The following CCDC192 variants were observed in gnomAD, a reference collection of about 807,000 sequenced individuals.
CCDC192 encodes the protein coiled-coil domain-containing protein 192.
chr5:127,741,299 G>A (rs949066708), intron 2 of CCDC192, among the ~76,000 whole-genome samples: 1 of 152,150 alleles, frequency 6.6e-6, no homozygotes, highest in African/African-American at 2.4e-5. Flanking sequence ...CTGGGCTCGA[G>A]AGATCTGTCC....
chr5:127,861,744 T>TA (rs397768809), intron 5 of CCDC192, among the ~76,000 whole-genome samples: 2 of 151,374 alleles, frequency 1.3e-5, no homozygotes, highest in Non-Finnish European at 2.9e-5. Flanking sequence ...CCATATGAGT[T>TA]AATTCATGTG....
intron 5 of CCDC192, among the ~76,000 whole-genome samples, chr5:127,799,916 C>T (rs936443196): frequency 1.3e-5 from 2 of 151,990 alleles, no homozygotes; most frequent in Non-Finnish European, 1.5e-5. Flanking sequence ...ACAGTATTAA[C>T]GATAGTATTT....
At chr5:127,842,775 T>G (rs1051234666) in intron 5 of CCDC192, among the ~76,000 whole-genome samples, 1 of 152,182 alleles carries the variant, frequency 6.6e-6, no homozygotes, top group Admixed American at 6.5e-5. Flanking sequence ...TACTAGAATC[T>G]TAGAACTCAG....
intron 5 of CCDC192, among the ~76,000 whole-genome samples, chr5:127,811,016 A>AGAG (rs1177279844): frequency 6.6e-6 from 1 of 152,124 alleles, no homozygotes; most frequent in African/African-American, 2.4e-5. Context: ...AAGCTTTAAC[A>AGAG]GAGGGTTTAT....
chr5:127,852,050 T>G (rs576461063), intron 5 of CCDC192, among the ~76,000 whole-genome samples: 1 of 152,196 alleles, frequency 6.6e-6, no homozygotes, highest in Non-Finnish European at 1.5e-5. Context: ...GAACACTAGT[T>G]TTATGGTCCC....
intron 3 of CCDC192, among the ~76,000 whole-genome samples, chr5:127,781,633 C>T (rs1309954987): frequency 2.0e-5 from 3 of 148,844 alleles, no homozygotes; most frequent in African/African-American, 5.0e-5. Flanking sequence ...ATTTGATTCT[C>T]CACTTGGTTG....
chr5:127,776,425 T>C (rs780434175), intron 3 of CCDC192, among the ~76,000 whole-genome samples: 8 of 152,166 alleles, frequency 5.3e-5, no homozygotes, highest in Non-Finnish European at 8.8e-5. Context: ...TTGGGTGCTG[T>C]TGTTAAAAGC....
intron 5 of CCDC192, among the ~76,000 whole-genome samples, chr5:127,850,915 G>T (rs773314697): frequency 2.4e-4 from 36 of 152,174 alleles, no homozygotes; most frequent in Non-Finnish European, 3.8e-4. Flanking sequence ...GCGGTGAGCT[G>T]AGGCCACACC....
intron 3 of CCDC192, chr5:127,784,587 A>T (rs1028263680): frequency 1.9e-5 from 10 of 537,248 alleles, no homozygotes; most frequent in Admixed American, 1.2e-4. Flanking sequence ...TTGCTGTGGG[A>T]CACACAGTCA....
intron 6 of CCDC192, among the ~76,000 whole-genome samples, chr5:127,885,296 A>C (rs1490855579): frequency 1.3e-5 from 2 of 152,188 alleles, no homozygotes; most frequent in African/African-American, 4.8e-5. Flanking sequence ...GAATGCTGCT[A>C]AATAGCTCAG....
chr5:127,882,141 A>G (rs998270787), intron 6 of CCDC192, among the ~76,000 whole-genome samples: 5 of 152,202 alleles, frequency 3.3e-5, no homozygotes, highest in African/African-American at 1.2e-4. Flanking sequence ...CCAAGACTCA[A>G]TGTCTGAATC....
intron 6 of CCDC192, among the ~76,000 whole-genome samples, chr5:127,921,281 A>G (rs1753713533): frequency 6.6e-6 from 1 of 152,046 alleles, no homozygotes; most frequent in Non-Finnish European, 1.5e-5. Context: ...AAGGAAGGAA[A>G]GGAAAAAAGA....
chr5:127,738,965 C>T (rs1278186062), intron 2 of CCDC192, among the ~76,000 whole-genome samples: 3 of 151,896 alleles, frequency 2.0e-5, no homozygotes, highest in Non-Finnish European at 4.4e-5. Context: ...TGTTCCGTTG[C>T]TGGTGAGGAA....
chr5:127,719,520 TATATACACACATAC>T (rs1751856573), intron 2 of CCDC192, among the ~76,000 whole-genome samples: 3 of 112,356 alleles, frequency 2.7e-5, no homozygotes, highest in Admixed American at 1.2e-4. Context: ...TATATATATA[TATATACACACATAC>T]ATATATATAT....
rs115306418 is a variant in CCDC192, at chr5:127,878,174, C to T, written c.535+2513C>T. Among the ~76,000 whole-genome samples the T allele has an allele frequency of 4.2e-3, 637 of 152,302 alleles. 3 individuals are homozygous for T. Among genetic ancestry groups the T allele is most frequent in the African/African-American group, 0.014 (598 of 41,572 alleles). On this transcript the variant is annotated intron_variant, in intron 6 of 6. Transcript: ENST00000514853. ...TATGGCCACAAGCAGCTATGGGCTG[C>T]CCTCCTTATCATATAATCTCCAGGG...
At chr5:127,933,164 T>C (rs1340502791) in intron 6 of CCDC192, among the ~76,000 whole-genome samples, 2 of 152,122 alleles carry the variant, frequency 1.3e-5, no homozygotes, top group Admixed American at 1.3e-4. Flanking sequence ...ATAGGTTACG[T>C]GCTATCGAAG....
intron 5 of CCDC192, among the ~76,000 whole-genome samples, chr5:127,854,105 A>G (rs1189586189): frequency 6.6e-6 from 1 of 152,220 alleles, no homozygotes; most frequent in Non-Finnish European, 1.5e-5. Context: ...GTTCCAGGTC[A>G]TAACACTCTC....
chr5:127,863,287 C>T (rs906583355), intron 5 of CCDC192, among the ~76,000 whole-genome samples: 2 of 152,134 alleles, frequency 1.3e-5, no homozygotes, highest in African/African-American at 2.4e-5. Flanking sequence ...AATGAATAAA[C>T]AATATGTATA....
chr5:127,728,979 T>A (rs1752488516), intron 2 of CCDC192, among the ~76,000 whole-genome samples: 1 of 152,164 alleles, frequency 6.6e-6, no homozygotes, highest in Non-Finnish European at 1.5e-5. Context: ...TGATCTCGGC[T>A]CACTGCAGTC....
Sources: gnomAD v4.1 joint callset for allele counts (sites outside exome capture counted in the v4.1 genomes callset) on GRCh38, gnomAD v4.1.1 for gene constraint, MANE v1.5 for transcripts, NCBI Gene and HGNC (gene_info 2026-07-23, HGNC 2026-07-21) for gene names.